Variants in FOXK2 observed in about 807,000 individuals in gnomAD.
FOXK2 encodes forkhead box K2.
FOXK2 carries 24 observed loss-of-function variants against 53.3 expected under a neutral mutation model. That is an observed-to-expected ratio of 0.45 (90% CI 0.33 to 0.63). FOXK2 has a LOEUF of 0.63. Among genes scored for constraint, FOXK2 ranks in the 30% least tolerant of loss-of-function variants. FOXK2 has a pLI of 0.03. For missense variants in FOXK2, 952 were observed against 910.5 expected, an observed-to-expected ratio of 1.05 and a Z score of -0.59; for synonymous variants, 505 against 407.1, an observed-to-expected ratio of 1.24 and a Z score of -2.89.
In FOXK2 at chr17:82,520,320, GGGGCGGGGC is replaced by G; in HGVS notation, c.419+22_419+30del. ...AGCTGCCGCGCGTGTGAGTGGCCTC[GGGGCGGGGC>G]GGGCGGGGTCTGCGGCCTGCAGCGC... On this transcript the variant is annotated intron_variant, in intron 1 of 8. Coordinates refer to ENST00000335255, the MANE Select transcript of FOXK2 (RefSeq NM_004514.4). The G allele has an allele frequency of 1.6e-6, 2 of 1,257,366 alleles. No individual in the cohort carries two copies. Among genetic ancestry groups the G allele is most frequent in the Non-Finnish European group, 2.0e-6 (2 of 996,186 alleles). The allele number at this position is 1,257,366 out of a possible 1,614,324, so 77.9% of individuals were successfully genotyped here. A position where few individuals can be genotyped will look rare whatever the true frequency, so the allele number is the denominator to read the frequency against.
chr17:82,560,184 A>G (rs780736308), intron 1 of FOXK2, among the ~76,000 whole-genome samples: 6 of 149,734 alleles, frequency 4.0e-5, no homozygotes, highest in Non-Finnish European at 7.4e-5. Context: ...TTTTTTTTGT[A>G]TTTTTAGTAG....
chr17:82,570,729 T>C (rs1472790688), intron 3 of FOXK2, among the ~76,000 whole-genome samples: 1 of 152,234 alleles, frequency 6.6e-6, no homozygotes, highest in African/African-American at 2.4e-5. Flanking sequence ...TATCTGTTGC[T>C]CTTCATCCAT....
intron 1 of FOXK2, among the ~76,000 whole-genome samples, chr17:82,556,884 G>A (rs2044731074): frequency 6.6e-6 from 1 of 151,262 alleles, no homozygotes; most frequent in Admixed American, 6.6e-5. Flanking sequence ...TGTATTTTTA[G>A]TAGAGTCAGG....
At chr17:82,571,118 C>A (rs1047478450) in intron 3 of FOXK2, among the ~76,000 whole-genome samples, 5 of 152,108 alleles carry the variant, frequency 3.3e-5, no homozygotes, top group African/African-American at 1.2e-4. Flanking sequence ...CTCGCCTGTA[C>A]CCCTGGGGTA....
At chr17:82,557,814 G>GT (rs1317850512) in intron 1 of FOXK2, among the ~76,000 whole-genome samples, 2 of 152,092 alleles carry the variant, frequency 1.3e-5, no homozygotes, top group African/African-American at 4.8e-5. Context: ...TCCTGGGTAA[G>GT]TTTTTAAACA....
intron 1 of FOXK2, among the ~76,000 whole-genome samples, chr17:82,534,074 C>CAAA (rs781376612): frequency 0.046 from 5,885 of 127,192 alleles, 150 homozygotes; most frequent in Middle Eastern, 0.052. Context: ...GACACTGTCT[C>CAAA]AAAAAAAAAA....
chr17:82,596,519 G>A (rs146956353), intron 8 of FOXK2, among the ~76,000 whole-genome samples: 77 of 152,376 alleles, frequency 5.1e-4, no homozygotes, highest in African/African-American at 1.6e-3. Context: ...CCGCGCACAC[G>A]TGGGGACTGT....
At chr17:82,540,410 G>T (rs776633902) in intron 1 of FOXK2, among the ~76,000 whole-genome samples, 3 of 152,148 alleles carry the variant, frequency 2.0e-5, no homozygotes, top group Non-Finnish European at 4.4e-5. Context: ...CTGCACGATT[G>T]TTGTTTGTGG....
intron 8 of FOXK2, among the ~76,000 whole-genome samples, chr17:82,589,870 A>T (rs180857456): frequency 4.6e-5 from 7 of 152,034 alleles, no homozygotes; most frequent in Non-Finnish European, 1.5e-5. Flanking sequence ...ACATGGTGAA[A>T]CTCCGTCTCT....
intron 6 of FOXK2, among the ~76,000 whole-genome samples, chr17:82,585,485 C>T (rs372882154): frequency 2.2e-4 from 33 of 152,164 alleles, no homozygotes; most frequent in Admixed American, 1.4e-3. Context: ...GTAACATGCC[C>T]GGTTAATATT....
intron 4 of FOXK2, among the ~76,000 whole-genome samples, chr17:82,576,106 G>A (rs1269474059): frequency 2.3e-5 from 1 of 43,358 alleles, no homozygotes; most frequent in African/African-American, 1.2e-4. Flanking sequence ...GGGTGGCGGC[G>A]GCGGGTTCGT....
intron 1 of FOXK2, among the ~76,000 whole-genome samples, chr17:82,560,304 G>A (rs1048801560): frequency 6.6e-6 from 1 of 152,234 alleles, no homozygotes; most frequent in East Asian, 1.9e-4. Context: ...CACTGCGCCC[G>A]GCCCTTCTCG....
At chr17:82,573,375 G>C (rs945283631) in intron 4 of FOXK2, among the ~76,000 whole-genome samples, 2 of 152,006 alleles carry the variant, frequency 1.3e-5, no homozygotes, top group Non-Finnish European at 2.9e-5. Context: ...CTACAGCAAG[G>C]GGGTATCTCT....
At chr17:82,588,462 AGGGCT>A (rs2045219186) in intron 8 of FOXK2, 1 of 164,258 alleles carries the variant, frequency 6.1e-6, no homozygotes, top group Admixed American at 6.6e-5. Context: ...TGGCGGTTGG[AGGGCT>A]GGCGGTTGGA....
intron 4 of FOXK2, among the ~76,000 whole-genome samples, chr17:82,581,599 C>G (rs2143087939): frequency 6.6e-6 from 1 of 152,146 alleles, no homozygotes; most frequent in East Asian, 1.9e-4. Context: ...CCTCAGCCTC[C>G]CGAGCAACTG....
intron 8 of FOXK2, among the ~76,000 whole-genome samples, chr17:82,590,045 C>CA (rs776727486): frequency 0.035 from 4,611 of 131,776 alleles, 90 homozygotes; most frequent in Middle Eastern, 0.054. Flanking sequence ...GACTCCATCT[C>CA]AAAAAAAAAA....
chr17:82,560,294 C>T (rs1162818310), intron 1 of FOXK2, among the ~76,000 whole-genome samples: 3 of 152,162 alleles, frequency 2.0e-5, no homozygotes, highest in Non-Finnish European at 4.4e-5. Flanking sequence ...AGGCATGAAC[C>T]ACTGCGCCCG....
chr17:82,540,792 C>A (rs1599884592), intron 1 of FOXK2, among the ~76,000 whole-genome samples: 1 of 152,296 alleles, frequency 6.6e-6, no homozygotes, highest in Admixed American at 6.5e-5. Context: ...GTTTTATGCC[C>A]ACTAACAAGG....
At chr17:82,581,343 A>G (rs952936117) in intron 4 of FOXK2, among the ~76,000 whole-genome samples, 1 of 152,142 alleles carries the variant, frequency 6.6e-6, no homozygotes, top group African/African-American at 2.4e-5. Flanking sequence ...TCTATTGCCC[A>G]GGCTGGAGTG....
Sources: gnomAD v4.1 joint callset for allele counts (sites outside exome capture counted in the v4.1 genomes callset) on GRCh38, gnomAD v4.1.1 for gene constraint, MANE v1.5 for transcripts, NCBI Gene and HGNC (gene_info 2026-07-23, HGNC 2026-07-21) for gene names.